Variants in FBXO10 observed in about 807,000 individuals in gnomAD.
FBXO10 encodes F-box protein 10, also known as F-box only protein 10.
FBXO10 carries 39 observed loss-of-function variants against 80.7 expected under a neutral mutation model. That is an observed-to-expected ratio of 0.48 (90% confidence interval 0.37 to 0.63). The LOEUF is 0.63. FBXO10 is among the 30% of genes least tolerant of loss of function. The probability of loss-of-function intolerance (pLI) is 0.00; values close to 1 mark genes in which losing one functional copy is unlikely to be tolerated. For missense variants in FBXO10, 1,025 were observed against 1,269.0 expected, an observed-to-expected ratio of 0.81 and a Z score of 2.92; for synonymous variants, 449 against 489.6, an observed-to-expected ratio of 0.92 and a Z score of 1.09.
Position 37,529,361 on chromosome 9 carries a change from G to GGA in FBXO10, c.1570-103_1570-102dup, listed in dbSNP as rs879176895. On this transcript the variant is annotated intron_variant, in intron 4 of 10. Coordinates refer to ENST00000432825, the MANE Select transcript of FBXO10 (RefSeq NM_012166.3). ...ACCTCCGCGGCAGGATGAACACAGT[G>GGA]GAGAAAATGACGTCACTGTAAGAGC... The GGA allele has an allele frequency of 7.5e-6, 10 of 1,331,648 alleles. No individual in the cohort carries two copies. In the South Asian group the frequency reaches 1.1e-4, roughly 14 times the overall value. The allele number at this position is 1,331,648 out of a possible 1,614,324, so 82.5% of individuals were successfully genotyped here.
intron 7 of FBXO10, chr9:37,522,336 A>T: frequency 1.0e-6 from 1 of 1,000,332 alleles, no homozygotes; most frequent in East Asian, 1.1e-4. Flanking sequence ...GAAAGGGCTG[A>T]GTAGAGAGGT....
chr9:37,527,102 C>G (rs1014198858), intron 5 of FBXO10, among the ~76,000 whole-genome samples: 22 of 152,120 alleles, frequency 1.4e-4, no homozygotes, highest in Non-Finnish European at 2.6e-4. Flanking sequence ...CTGCCCGCCT[C>G]GGCCTCCCAA....
chr9:37,515,813 G>C, intron 10 of FBXO10, 91 bp downstream of exon 10: 1 of 1,369,352 alleles, frequency 7.3e-7, no homozygotes, highest in South Asian at 1.4e-5. Flanking sequence ...CAGGGAGCCC[G>C]GGCAGCCACA....
chr9:37,530,119 T>C (rs1433733600), intron 4 of FBXO10, among the ~76,000 whole-genome samples: 2 of 152,252 alleles, frequency 1.3e-5, no homozygotes, highest in Non-Finnish European at 2.9e-5. Flanking sequence ...TTAATATTTT[T>C]AGATTAGAAT....
At chr9:37,554,784 T>C (rs1822295402) in intron 1 of FBXO10, among the ~76,000 whole-genome samples, 1 of 152,222 alleles carries the variant, frequency 6.6e-6, no homozygotes, top group Admixed American at 6.5e-5. Flanking sequence ...AACTGCTCAG[T>C]AGTATTTCAT....
intron 4 of FBXO10, 119 bp from the exon 5 acceptor site, chr9:37,529,379 G>T: frequency 1.8e-6 from 2 of 1,106,034 alleles, no homozygotes; most frequent in Non-Finnish European, 2.6e-6. Flanking sequence ...TGACGTCACT[G>T]TAAGAGCCCT....
At chr9:37,532,656 C>T (rs1821659386) in intron 3 of FBXO10, among the ~76,000 whole-genome samples, 1 of 152,106 alleles carries the variant, frequency 6.6e-6, no homozygotes, top group South Asian at 2.1e-4. Flanking sequence ...CACACTGGTC[C>T]TTTAACTAAA....
chr9:37,529,027 T>A (rs1821547331), intron 5 of FBXO10, 97 bp downstream of exon 5: 1 of 1,489,502 alleles, frequency 6.7e-7, no homozygotes, highest in Non-Finnish European at 9.1e-7. Flanking sequence ...CTTCTCTGCT[T>A]GCATCTGTAC....
intron 1 of FBXO10, among the ~76,000 whole-genome samples, chr9:37,563,502 G>A (rs753843431): frequency 5.3e-5 from 8 of 152,168 alleles, no homozygotes; most frequent in South Asian, 2.1e-4. Context: ...AAGAAGATGT[G>A]GGAAAGTTTG....
chr9:37,550,373 T>C (rs1021963920), intron 1 of FBXO10, among the ~76,000 whole-genome samples: 2 of 151,394 alleles, frequency 1.3e-5, no homozygotes, highest in Non-Finnish European at 2.9e-5. Context: ...AGTAGGGAGA[T>C]GGGGTTTCAT....
At position 37,512,801 on chromosome 9, in the gene FBXO10, G is replaced by C. The variant is rs552726875; in HGVS notation, c.2697-80C>G. 10 of 1,450,886 alleles carry C rather than the reference G, an allele frequency of 6.9e-6. No individual in the cohort carries two copies. In the South Asian group the frequency reaches 1.4e-4, roughly 20 times the overall value. The allele number at this position is 1,450,886 out of a possible 1,614,324, so 89.9% of individuals were successfully genotyped here. ...GAATGCCCTGCACAGTCTTAACTTG[G>C]GTTCCAGATCGGTGGATCCAGGTGT... On this transcript the variant is annotated intron_variant, in intron 10 of 10. Coordinates refer to ENST00000432825, the MANE Select transcript of FBXO10 (RefSeq NM_012166.3).
intron 1 of FBXO10, among the ~76,000 whole-genome samples, chr9:37,545,454 G>T (rs1217188916): frequency 1.3e-5 from 2 of 152,154 alleles, no homozygotes; most frequent in East Asian, 3.9e-4. Flanking sequence ...TGGGATTACA[G>T]GCGTGAGCCA....
chr9:37,566,357 G>A (rs897535583), intron 1 of FBXO10, among the ~76,000 whole-genome samples: 13 of 151,976 alleles, frequency 8.6e-5, no homozygotes, highest in African/African-American at 3.1e-4. Context: ...TACTTGGGAG[G>A]CTGAGGCAGA....
In FBXO10 at chr9:37,537,251, G is replaced by A. The variant is rs773388372; in HGVS notation, c.1278C>T (p.Ser426=). 26 of 1,613,880 alleles carry A rather than the reference G, an allele frequency of 1.6e-5. No individual in the cohort carries two copies. The highest frequency in any genetic ancestry group is 4.0e-5 in the African/African-American group (3 of 75,078). ...ACTTGCGGATGAGGCAGCCCTGCAC[G>A]GAGTTGGCCAGTGCCATGGCCTCCT... ...KDKEAMALAN[S]VQGCLIRKCL... is the part of the protein sequence containing the mutation. Residue 426 remains serine, a synonymous_variant, in exon 3 of 11, where the codon TCC becomes TCT. Transcript: ENST00000432825.
intron 3 of FBXO10, 84 bp from the exon 4 acceptor site, chr9:37,532,142 G>A (rs951429254): frequency 1.3e-5 from 18 of 1,420,510 alleles, no homozygotes; most frequent in Admixed American, 4.1e-5. Context: ...AGTCTTTTCC[G>A]CACCACCTGA....
intron 1 of FBXO10, among the ~76,000 whole-genome samples, chr9:37,574,207 C>T (rs1054950617): frequency 3.3e-5 from 5 of 152,122 alleles, no homozygotes; most frequent in African/African-American, 1.2e-4. Context: ...CCAGAGTCTA[C>T]GTATGTTTTT....
intron 1 of FBXO10, among the ~76,000 whole-genome samples, chr9:37,560,392 G>A (rs1670887632): frequency 6.6e-6 from 1 of 152,104 alleles, no homozygotes; most frequent in Non-Finnish European, 1.5e-5. Flanking sequence ...TGGCCTCTCA[G>A]GGGAAGGGGG....
At chr9:37,526,211 G>T (rs1821467106) in intron 5 of FBXO10, among the ~76,000 whole-genome samples, 1 of 152,236 alleles carries the variant, frequency 6.6e-6, no homozygotes, top group East Asian at 1.9e-4. Flanking sequence ...TTTGAGTCCT[G>T]TGCTTCTCTG....
chr9:37,526,955 AT>A (rs1821492963), intron 5 of FBXO10, among the ~76,000 whole-genome samples: 1 of 151,724 alleles, frequency 6.6e-6, no homozygotes, highest in Non-Finnish European at 1.5e-5. Flanking sequence ...GGTTCAAGCG[AT>A]TCTCCTGCCT....
Sources: gnomAD v4.1 joint callset for allele counts (sites outside exome capture counted in the v4.1 genomes callset) on GRCh38, gnomAD v4.1.1 for gene constraint, MANE v1.5 for transcripts, NCBI Gene and HGNC (gene_info 2026-07-23, HGNC 2026-07-21) for gene names.